Variants in SPEF2 observed in about 807,000 individuals in gnomAD.
SPEF2 encodes sperm flagellar and cilia associated 2.
Under a neutral mutation model 224.6 loss-of-function variants are expected in SPEF2, and 187 were observed. That is an observed-to-expected ratio of 0.83 (90% confidence interval 0.74 to 0.94). The LOEUF is 0.94. Among genes scored for constraint, SPEF2 ranks in the 40% least tolerant of loss-of-function variants. The pLI is 0.00. For synonymous variants in SPEF2, 715 were observed against 707.3 expected, an observed-to-expected ratio of 1.01 and a Z score of -0.17; for missense variants, 2,170 against 2,135.6, an observed-to-expected ratio of 1.02 and a Z score of -0.32.
chr5:35,785,238 C>T (rs1754932510), intron 30 of SPEF2, among the ~76,000 whole-genome samples: 1 of 152,156 alleles, frequency 6.6e-6, no homozygotes, highest in African/African-American at 2.4e-5. Flanking sequence ...TGGGTGAATT[C>T]TTTCCACCAG....
intron 28 of SPEF2, among the ~76,000 whole-genome samples, chr5:35,775,422 T>C (rs148936287): frequency 0.018 from 2,786 of 152,154 alleles, 42 homozygotes; most frequent in Non-Finnish European, 0.03. Flanking sequence ...TTACGTGCCA[T>C]GGCAGAGAGA....
chr5:35,790,434 A>C (rs973685779), intron 30 of SPEF2: 2 of 430,048 alleles, frequency 4.7e-6, no homozygotes, highest in African/African-American at 4.1e-5. Context: ...GTAAAAAATA[A>C]AATAAAATAA....
intron 20 of SPEF2, among the ~76,000 whole-genome samples, chr5:35,714,680 T>TTATATTTA (rs373603694): frequency 5.9e-5 from 8 of 134,562 alleles, no homozygotes; most frequent in African/African-American, 2.2e-4. Context: ...TTGGGTTTAT[T>TTATATTTA]TTTATTTATT....
Position 35,785,446 on chromosome 5 carries a change from G to A in SPEF2, c.4447+6100G>A, listed in dbSNP as rs945807143. ...ATATCTTTAGGAAAATCTGTCCATAGAACTAAAATTCTGTTTTGAAACTAG... is the reference window on the plus strand; with the variant it reads ...ATATCTTTAGGAAAATCTGTCCATAAAACTAAAATTCTGTTTTGAAACTAG... On this transcript the variant is annotated intron_variant, in intron 30 of 36. Transcript: ENST00000356031. Among the ~76,000 whole-genome samples, 18 of 152,166 alleles carry A rather than the reference G, an allele frequency of 1.2e-4. No individual in the cohort carries two copies. The East Asian group carries it at 3.3e-3, about 28-fold the overall frequency.
At chr5:35,752,987 A>C (rs1311675835) in intron 23 of SPEF2, among the ~76,000 whole-genome samples, 1 of 149,988 alleles carries the variant, frequency 6.7e-6, no homozygotes, top group Middle Eastern at 3.5e-3. Flanking sequence ...ACTATAAATC[A>C]TCATACTCTA....
intron 34 of SPEF2, among the ~76,000 whole-genome samples, chr5:35,804,698 T>C (rs138020161): frequency 3.5e-4 from 53 of 149,520 alleles, no homozygotes; most frequent in Admixed American, 6.0e-4. Flanking sequence ...AATGTTTACA[T>C]TGCTACCTCT....
At chr5:35,705,557 G>A (rs1363595952) in intron 17 of SPEF2, 94 bp from the exon 18 acceptor site, 2 of 853,664 alleles carry the variant, frequency 2.3e-6, no homozygotes, top group Non-Finnish European at 3.5e-6. Flanking sequence ...TTGGCAGCCT[G>A]TCTTTTCATT....
chr5:35,729,731 T>A (rs756368364), intron 21 of SPEF2, among the ~76,000 whole-genome samples: 3 of 152,140 alleles, frequency 2.0e-5, no homozygotes, highest in Non-Finnish European at 2.9e-5. Context: ...TCCTACGTGT[T>A]GTGGGAGAGA....
chr5:35,805,878 T>C (rs1333607423), intron 34 of SPEF2, among the ~76,000 whole-genome samples: 1 of 152,170 alleles, frequency 6.6e-6, no homozygotes, highest in African/African-American at 2.4e-5. Flanking sequence ...AGAATTCTGC[T>C]AAACCATCAT....
chr5:35,658,890 A>G (rs189625383), intron 7 of SPEF2, 129 bp from the exon 8 acceptor site: 1 of 678,530 alleles, frequency 1.5e-6, no homozygotes, highest in East Asian at 3.3e-5. Context: ...CCATGTTCAA[A>G]TTAAGTCAAA....
chr5:35,806,719 G>A lies in SPEF2; in HGVS notation c.5023G>A (p.Asp1675Asn). Reference sequence around the variant, plus strand: ...TTTAACTTTGCAGACCTCCTCAACTGATGCAGGTCCAGCTGAGGAATTTCC... The same window carrying A: ...TTTAACTTTGCAGACCTCCTCAACTAATGCAGGTCCAGCTGAGGAATTTCC... ...IPSAEKTSSTDAGPAEEFPEP... is the reference protein window; with the variant it reads ...IPSAEKTSSTNAGPAEEFPEP... Residue 1675 changes from aspartate to asparagine, a missense_variant, in exon 35 of 37, where the codon GAT becomes AAT. Coordinates refer to ENST00000356031, the MANE Select transcript of SPEF2 (RefSeq NM_024867.4). 1.2e-6 allele frequency: 2 copies of A among 1,612,776 alleles called. No homozygotes were observed. Among genetic ancestry groups the A allele is most frequent in the Non-Finnish European group, 1.7e-6 (2 of 1,179,668 alleles).
At chr5:35,669,054 C>T (rs1481741981) in intron 9 of SPEF2, among the ~76,000 whole-genome samples, 1 of 151,918 alleles carries the variant, frequency 6.6e-6, no homozygotes, top group Non-Finnish European at 1.5e-5. Flanking sequence ...GGTCTGTAGC[C>T]GTTAAATAAT....
chr5:35,645,103 C>G (rs1336293178), intron 4 of SPEF2, among the ~76,000 whole-genome samples: 1 of 152,092 alleles, frequency 6.6e-6, no homozygotes, highest in Non-Finnish European at 1.5e-5. Context: ...TCTTCTGTGC[C>G]TTTGTGGGTG....
chr5:35,802,973 A>G (rs1226780838), intron 34 of SPEF2, among the ~76,000 whole-genome samples: 1 of 152,204 alleles, frequency 6.6e-6, no homozygotes, highest in Non-Finnish European at 1.5e-5. Flanking sequence ...GCCTTCAGGC[A>G]GGGGACCACT....
At chr5:35,763,220 G>T (rs1751582202) in intron 25 of SPEF2, among the ~76,000 whole-genome samples, 1 of 152,094 alleles carries the variant, frequency 6.6e-6, no homozygotes, top group South Asian at 2.1e-4. Flanking sequence ...AAATTCCAAA[G>T]TCGCTTTTCT....
rs1561398312 is a variant in SPEF2 at position 35,808,709 on chromosome 5, C to CACACATATATATTTATATGTATATATAT, written c.5379+1461_5379+1462insTATATATTTATATGTATATATATACACA. ...TGCTATTGGGTTTTACATATATATA[C>CACACATATATATTTATATGTATATATAT]ACACACATATATATTTATATGTATA... On this transcript the variant is annotated intron_variant, in intron 36 of 36. Transcript: ENST00000356031. 4.2e-4 allele frequency among the ~76,000 whole-genome samples: 62 copies of CACACATATATATTTATATGTATATATAT among 148,222 alleles called. 2 individuals are homozygous for CACACATATATATTTATATGTATATATAT. The highest frequency in any genetic ancestry group is 6.3e-4 in the South Asian group (3 of 4,734).
chr5:35,628,688 A>G (rs1318048161), intron 2 of SPEF2, 126 bp downstream of exon 2: 1 of 623,108 alleles, frequency 1.6e-6, no homozygotes, highest in Non-Finnish European at 2.8e-6. Flanking sequence ...AACTCCTGGG[A>G]TAAAGCAATC....
At chr5:35,716,123 C>T (rs1004987915) in intron 20 of SPEF2, among the ~76,000 whole-genome samples, 46 of 151,688 alleles carry the variant, frequency 3.0e-4, no homozygotes, top group Non-Finnish European at 5.0e-4. Context: ...ATGCTAAAAT[C>T]GATGTTTGGA....
At chr5:35,787,476 T>G (rs555706599) in intron 30 of SPEF2, among the ~76,000 whole-genome samples, 1 of 152,280 alleles carries the variant, frequency 6.6e-6, no homozygotes, top group African/African-American at 2.4e-5. Flanking sequence ...AAGAAGAGCA[T>G]AGCACTCCTT....
Sources: allele counts gnomAD v4.1 joint callset (sites outside exome capture counted in the v4.1 genomes callset), GRCh38; gene constraint gnomAD v4.1.1; transcripts MANE v1.5; gene names NCBI Gene and HGNC (gene_info 2026-07-23, HGNC 2026-07-21).